The following EIF3L variants were observed in gnomAD, a reference collection of about 807,000 sequenced individuals.
EIF3L encodes the protein eukaryotic translation initiation factor 3 subunit L.
Under a neutral mutation model 74.6 loss-of-function variants are expected in EIF3L, and 32 were observed. The ratio of observed to expected loss-of-function variants is 0.43; its 90% confidence interval spans 0.32 to 0.58. EIF3L has a LOEUF of 0.58. EIF3L is among the 20% of genes least tolerant of loss of function. The pLI is 0.06. For synonymous variants in EIF3L, 256 were observed against 254.4 expected (o/e 1.01, Z -0.06); for missense variants, 474 against 707.8 (o/e 0.67, Z 3.75).
chr22:37,857,395 A>G (rs1264070590), intron 4 of EIF3L, among the ~76,000 whole-genome samples: 2 of 140,028 alleles, frequency 1.4e-5, no homozygotes, highest in Non-Finnish European at 3.1e-5. Context: ...AAAAAAAACC[A>G]ATATTAAGTC....
At chr22:37,878,381 A>G (rs1926864645) in intron 11 of EIF3L, 1 of 440,382 alleles carries the variant, frequency 2.3e-6, no homozygotes, top group Non-Finnish European at 3.9e-6. Context: ...GGAGTTCAAG[A>G]CCAGCCTGGG....
At chr22:37,855,747 T>C (rs1925469086) in intron 4 of EIF3L, 103 bp downstream of exon 4, 1 of 1,012,444 alleles carries the variant, frequency 9.9e-7, no homozygotes, top group Non-Finnish European at 1.5e-6. Context: ...CTCACCATTT[T>C]GTTTCCTTGG....
intron 5 of EIF3L, among the ~76,000 whole-genome samples, chr22:37,861,119 T>G (rs1005607308): frequency 6.6e-6 from 1 of 152,188 alleles, no homozygotes; most frequent in African/African-American, 2.4e-5. Context: ...GAATAATGTC[T>G]GGTCATAATG....
chr22:37,853,090 G>A (rs1223398606), intron 3 of EIF3L, among the ~76,000 whole-genome samples: 3 of 151,866 alleles, frequency 2.0e-5, no homozygotes, highest in African/African-American at 4.8e-5. Context: ...GAAAGAATTC[G>A]ACTGAGGGGT....
chr22:37,867,263 A>C (rs904942533), intron 7 of EIF3L, among the ~76,000 whole-genome samples: 15 of 152,070 alleles, frequency 9.9e-5, no homozygotes, highest in African/African-American at 3.6e-4. Flanking sequence ...CTCAGCCTCC[A>C]AAAGTGCTGG....
Position 37,850,644 on chromosome 22 carries a change from A to G in EIF3L, c.82+581A>G, listed in dbSNP as rs558749684. ...GTGAGCCACCGCGCCTGCCCCAAGGAAGAAAATCTTGATGTGAAAAATTTA... is the reference window on the plus strand; with the variant it reads ...GTGAGCCACCGCGCCTGCCCCAAGGGAGAAAATCTTGATGTGAAAAATTTA... On this transcript the variant is annotated intron_variant, in intron 2 of 12. Coordinates refer to ENST00000652021, the MANE Select transcript of EIF3L (RefSeq NM_016091.4). 6.8e-5 allele frequency: 11 copies of G among 162,186 alleles called. No individual in the cohort carries two copies. The South Asian group carries it at 1.6e-3, about 24-fold the overall frequency. The allele number at this position is 162,186 out of a possible 1,614,324, so 10.0% of individuals were successfully genotyped here.
intron 5 of EIF3L, among the ~76,000 whole-genome samples, chr22:37,859,833 G>A (rs546118663): frequency 1.1e-3 from 169 of 151,980 alleles, no homozygotes; most frequent in Middle Eastern, 3.4e-3. Context: ...GAGAAACCTC[G>A]TCTCTATTAA....
At chr22:37,870,710 C>CA (rs1569118468) in intron 8 of EIF3L, among the ~76,000 whole-genome samples, 1 of 151,158 alleles carries the variant, frequency 6.6e-6, no homozygotes, top group Admixed American at 6.6e-5. Flanking sequence ...AAATTTTTTT[C>CA]TTTTTTTTTC....
chr22:37,886,649 A>C (rs1927336535), intron 11 of EIF3L, 116 bp from the exon 12 acceptor site: 2 of 714,688 alleles, frequency 2.8e-6, no homozygotes, highest in East Asian at 6.1e-5. Flanking sequence ...TCTTTTCCCC[A>C]CCTTTACATC....
chr22:37,874,895 A>ATTTTTTTTTTTTTTTTTTTT, intron 9 of EIF3L, among the ~76,000 whole-genome samples: 1 of 113,490 alleles, frequency 8.8e-6, no homozygotes, highest in Non-Finnish European at 1.8e-5. Flanking sequence ...TGCCCAGCTA[A>ATTTTTTTTTTTTTTTTTTTT]TTTTTTTTTT....
At chr22:37,862,813 C>G (rs1217263664) in intron 5 of EIF3L, among the ~76,000 whole-genome samples, 156 bp from the exon 6 acceptor site, 1 of 152,180 alleles carries the variant, frequency 6.6e-6, no homozygotes, top group African/African-American at 2.4e-5. Flanking sequence ...TGCTATAGGA[C>G]TTTCTATCTT....
At chr22:37,865,888 C>T (rs763931041) in intron 7 of EIF3L, among the ~76,000 whole-genome samples, 1 of 152,180 alleles carries the variant, frequency 6.6e-6, no homozygotes, top group Non-Finnish European at 1.5e-5. Context: ...TCATAATTCC[C>T]TGGGCTTAGC....
At chr22:37,858,373 C>T (rs1925656999) in intron 4 of EIF3L, among the ~76,000 whole-genome samples, 1 of 151,658 alleles carries the variant, frequency 6.6e-6, no homozygotes, top group Non-Finnish European at 1.5e-5. Context: ...CATGGGTGCG[C>T]ACCACCACGC....
chr22:37,873,789 T>C (rs1361865659), intron 8 of EIF3L, among the ~76,000 whole-genome samples: 7 of 152,106 alleles, frequency 4.6e-5, no homozygotes, highest in Non-Finnish European at 8.8e-5. Context: ...ATATGGTACC[T>C]GGGCTCAAGC....
intron 4 of EIF3L, among the ~76,000 whole-genome samples, chr22:37,856,031 AATTT>A (rs1157547226): frequency 1.0e-5 from 1 of 99,280 alleles, no homozygotes; most frequent in African/African-American, 3.5e-5. Context: ...CCCTGGCACC[AATTT>A]ATTTATTTAT....
intron 11 of EIF3L, chr22:37,879,454 C>T (rs1320584813): frequency 6.6e-6 from 1 of 151,302 alleles, no homozygotes; most frequent in Non-Finnish European, 1.5e-5. Context: ...GAGATCGCTG[C>T]ACTGCACTGT....
Position 37,858,677 on chromosome 22 carries a change from A to G in EIF3L, c.374-2A>G. ...GAAGCACCCTTCTGCCATCTCTTTCAGATGCTGTCTTCCTGATTTTATACA... is the reference window on the plus strand; with the variant it reads ...GAAGCACCCTTCTGCCATCTCTTTCGGATGCTGTCTTCCTGATTTTATACA... On this transcript the variant is annotated splice_acceptor_variant, in intron 4 of 12. Transcript: ENST00000652021. LOFTEE classifies it high-confidence loss of function. The G allele has an allele frequency of 2.5e-6, 4 of 1,611,122 alleles. No homozygotes were observed. Among genetic ancestry groups the G allele is most frequent in the Non-Finnish European group, 3.4e-6 (4 of 1,179,152 alleles).
chr22:37,858,517 A>G (rs1925664912), intron 4 of EIF3L, 162 bp from the exon 5 acceptor site: 2 of 685,940 alleles, frequency 2.9e-6, no homozygotes, highest in African/African-American at 1.8e-5. Flanking sequence ...GTCAAATGAG[A>G]AGTGGATTTT....
intron 12 of EIF3L, 83 bp downstream of exon 12, chr22:37,886,928 T>G (rs1287364909): frequency 1.8e-6 from 2 of 1,107,088 alleles, no homozygotes; most frequent in Admixed American, 4.3e-5. Flanking sequence ...TTTTTAATTT[T>G]TATTCCTTTA....
Sources: gnomAD v4.1 joint callset for allele counts (sites outside exome capture counted in the v4.1 genomes callset) on GRCh38, gnomAD v4.1.1 for gene constraint, MANE v1.5 for transcripts, NCBI Gene and HGNC (gene_info 2026-07-23, HGNC 2026-07-21) for gene names.